MRPS28: variants seen among roughly 807,000 people sequenced by gnomAD.
MRPS28 encodes mitochondrial ribosomal protein S28.
In MRPS28, 7 loss-of-function variants were observed where a neutral mutation model predicts 10.8. The ratio of observed to expected loss-of-function variants is 0.65; its 90% CI spans 0.37 to 1.22. The LOEUF (loss-of-function observed/expected upper bound fraction) is 1.22. Ranked by LOEUF, MRPS28 falls within the 50% of genes most tolerant of loss-of-function variation. The probability of loss-of-function intolerance (pLI) is 0.02; values close to 1 mark genes in which losing one functional copy is unlikely to be tolerated. For synonymous variants in MRPS28, 121 were observed against 93.3 expected (o/e 1.30, Z -1.71); for missense variants, 265 against 232.9 (o/e 1.14, Z -0.90).
intron 2 of MRPS28, among the ~76,000 whole-genome samples, chr8:79,946,154 T>C (rs1215431374): frequency 2.0e-5 from 3 of 152,172 alleles, no homozygotes; most frequent in Non-Finnish European, 4.4e-5. Flanking sequence ...TTTCTAAATA[T>C]ATCATGAACC....
At chr8:79,992,573 A>C (rs188420733) in intron 2 of MRPS28, among the ~76,000 whole-genome samples, 1 of 152,224 alleles carries the variant, frequency 6.6e-6, no homozygotes, top group South Asian at 2.1e-4. Context: ...CTATACGTTT[A>C]TATCTTTCCT....
At chr8:80,021,535 G>C (rs1275720629) in intron 1 of MRPS28, among the ~76,000 whole-genome samples, 1 of 152,168 alleles carries the variant, frequency 6.6e-6, no homozygotes, top group Non-Finnish European at 1.5e-5. Flanking sequence ...CTGGGACCAA[G>C]GGATGCTTTT....
intron 2 of MRPS28, among the ~76,000 whole-genome samples, chr8:79,947,553 CTT>C (rs1806951524): frequency 6.7e-6 from 1 of 148,960 alleles, no homozygotes; most frequent in South Asian, 2.1e-4. Flanking sequence ...TTATTTAGCT[CTT>C]GTTTAATTTC....
At chr8:79,945,767 G>A (rs1806897617) in intron 2 of MRPS28, among the ~76,000 whole-genome samples, 1 of 152,116 alleles carries the variant, frequency 6.6e-6, no homozygotes, top group Non-Finnish European at 1.5e-5. Context: ...TTTCAAAACT[G>A]TATGAGAAAA....
intron 1 of MRPS28, chr8:80,028,664 C>CGGGGGGGGGGGGGGGG (rs1278468176): frequency 1.4e-3 from 10 of 7,074 alleles, no homozygotes; most frequent in Admixed American, 5.1e-3. Context: ...GGGGCGGGGC[C>CGGGGGGGGGGGGGGGG]GGGCGGGGTC....
intron 2 of MRPS28, among the ~76,000 whole-genome samples, chr8:79,975,403 G>C (rs915394449): frequency 6.6e-6 from 1 of 152,178 alleles, no homozygotes; most frequent in Non-Finnish European, 1.5e-5. Flanking sequence ...AAGTATGTAA[G>C]TATGGTACCC....
intron 2 of MRPS28, among the ~76,000 whole-genome samples, chr8:79,984,248 C>T (rs1414896428): frequency 6.6e-6 from 1 of 152,184 alleles, no homozygotes; most frequent in Non-Finnish European, 1.5e-5. Context: ...ACCACCAGGC[C>T]TGCCCTAAAA....
At chr8:79,936,806 G>A (rs1490707967) in intron 2 of MRPS28, among the ~76,000 whole-genome samples, 2 of 152,060 alleles carry the variant, frequency 1.3e-5, no homozygotes, top group Non-Finnish European at 2.9e-5. Context: ...ATCTCAGGAT[G>A]GTGTGATAAC....
chr8:79,930,167 A>G (rs1806424276), intron 2 of MRPS28, among the ~76,000 whole-genome samples: 1 of 152,238 alleles, frequency 6.6e-6, no homozygotes, highest in African/African-American at 2.4e-5. Context: ...TATTCTGGAC[A>G]TGATTTCCTG....
chr8:79,990,578 A>G (rs1005079707), intron 2 of MRPS28, among the ~76,000 whole-genome samples: 2 of 152,116 alleles, frequency 1.3e-5, no homozygotes, highest in African/African-American at 4.8e-5. Context: ...ACCACTCCCT[A>G]AAACTTCCAT....
chr8:79,931,983 G>A (rs1323759028), intron 2 of MRPS28, among the ~76,000 whole-genome samples: 1 of 152,212 alleles, frequency 6.6e-6, no homozygotes, highest in African/African-American at 2.4e-5. Context: ...CCAAGTGACT[G>A]AGGATATGGG....
intron 2 of MRPS28, among the ~76,000 whole-genome samples, chr8:79,962,652 C>A (rs1229417464): frequency 3.3e-5 from 5 of 151,962 alleles, no homozygotes; most frequent in African/African-American, 4.8e-5. Flanking sequence ...TACCCTAATA[C>A]CTAGCACAGA....
At chr8:80,025,906 C>T (rs1809483229) in intron 1 of MRPS28, among the ~76,000 whole-genome samples, 1 of 152,074 alleles carries the variant, frequency 6.6e-6, no homozygotes, top group Non-Finnish European at 1.5e-5. Flanking sequence ...TACTACGAAC[C>T]AATTAATGTT....
intron 1 of MRPS28, among the ~76,000 whole-genome samples, chr8:80,013,634 C>CAAAAAAAAAAAAAAAAAACAAAAAA (rs769292640): frequency 1.3e-5 from 1 of 75,628 alleles, no homozygotes; most frequent in Non-Finnish European, 2.5e-5. Context: ...GACTCCATCT[C>CAAAAAAAAAAAAAAAAAACAAAAAA]AAAAAAAAAA....
At chr8:79,983,020 C>CCTCA in intron 2 of MRPS28, among the ~76,000 whole-genome samples, 1 of 143,770 alleles carries the variant, frequency 7.0e-6, no homozygotes, top group Non-Finnish European at 1.5e-5. Context: ...TGGGAGGCAC[C>CCTCA]CCCCAGTAGG....
intron 2 of MRPS28, chr8:79,956,832 T>A (rs1807228499): frequency 6.6e-6 from 1 of 152,212 alleles, no homozygotes; most frequent in Admixed American, 6.6e-5. Context: ...TTTGGCTGCA[T>A]GAATATTTCT....
intron 2 of MRPS28, among the ~76,000 whole-genome samples, chr8:79,928,000 T>C (rs777956556): frequency 4.6e-5 from 7 of 151,972 alleles, no homozygotes; most frequent in Admixed American, 1.3e-4. Flanking sequence ...TACTATCCCA[T>C]GCTGACCAGG....
rs1807283306 is a variant in MRPS28, at chr8:79,958,377, A to C, written c.396-39229T>G. The C allele has an allele frequency of 7.2e-6, 5 of 699,138 alleles. No individual in the cohort carries two copies. In the East Asian group the frequency reaches 1.4e-4, roughly 19 times the overall value. 43.3% of individuals were successfully genotyped at this position (699,138 alleles called of 1,614,324 possible). On this transcript the variant is annotated intron_variant, in intron 2 of 2. Transcript: ENST00000276585. ...TTTCCAAAGTCAGAGTTGGAAGAAA[A>C]ACAGGTTATCATCACTTGTGAAAAT...
chr8:79,989,568 T>C lies in MRPS28; in HGVS notation c.395+13431A>G, dbSNP rs1808297623. Reference sequence around the variant, plus strand: ...TAAAAGGATCCTGTTATTTTTACATTTGCATTTCACTTTTAGAAATTTAGC... The same window carrying C: ...TAAAAGGATCCTGTTATTTTTACATCTGCATTTCACTTTTAGAAATTTAGC... On this transcript the variant is annotated intron_variant, in intron 2 of 2. Transcript: ENST00000276585. Among the ~76,000 whole-genome samples the C allele has an allele frequency of 2.6e-5, 4 of 152,232 alleles. No homozygotes were observed. In the South Asian group the frequency reaches 8.3e-4, roughly 32 times the overall value.
Sources: allele counts gnomAD v4.1 joint callset (sites outside exome capture counted in the v4.1 genomes callset), GRCh38; gene constraint gnomAD v4.1.1; transcripts MANE v1.5; gene names NCBI Gene and HGNC (gene_info 2026-07-23, HGNC 2026-07-21).